DDX21: variants seen among roughly 807,000 people sequenced by gnomAD.
DDX21 encodes nucleolar RNA helicase 2.
Under a neutral mutation model 90.0 loss-of-function variants are expected in DDX21, and 18 were observed. The observed-to-expected ratio is 0.20, with a 90% CI of 0.14 to 0.30. The LOEUF (loss-of-function observed/expected upper bound fraction) is 0.30, where lower values mean the gene tolerates loss of function less well. Among genes scored for constraint, DDX21 ranks in the 10% least tolerant of loss-of-function variants. The pLI is 1.00. For synonymous variants in DDX21, 294 were observed against 318.0 expected (o/e 0.92, Z 0.80); for missense variants, 673 against 944.5 (o/e 0.71, Z 3.77).
chr10:68,962,894 A>G (rs1377052260), intron 3 of DDX21, among the ~76,000 whole-genome samples: 1 of 152,178 alleles, frequency 6.6e-6, no homozygotes, highest in African/African-American at 2.4e-5. Context: ...TATGGATGAG[A>G]CTTCAAATAT....
intron 1 of DDX21, among the ~76,000 whole-genome samples, chr10:68,958,575 T>G (rs1230438802): frequency 6.6e-6 from 1 of 152,158 alleles, no homozygotes. Context: ...TAGCTGGGAC[T>G]ACAGGTGCGT....
rs994398708 is a variant in DDX21, at chr10:68,983,744, A to G, written c.*932A>G. 2.0e-5 allele frequency: 3 copies of G among 151,978 alleles called. No homozygotes were observed. Among genetic ancestry groups the G allele is most frequent in the African/African-American group, 7.2e-5 (3 of 41,396 alleles). The allele number at this position is 151,978 out of a possible 1,614,324, so 9.4% of individuals were successfully genotyped here. On this transcript the variant is annotated 3_prime_UTR_variant, in exon 15 of 15. Transcript: ENST00000354185. ...AGAACCAAACCACTGGAAATAATCA[A>G]ATGCAAAAAGGTAACAAATTCATAA...
At chr10:68,963,142 T>G (rs1842894014) in intron 3 of DDX21, 149 bp from the exon 4 acceptor site, 1 of 750,862 alleles carries the variant, frequency 1.3e-6, no homozygotes, top group Non-Finnish European at 2.0e-6. Flanking sequence ...AAAATATACG[T>G]ATTTGAGCCT....
At chr10:68,975,730 C>T (rs567562465) in intron 11 of DDX21, among the ~76,000 whole-genome samples, 25 of 151,864 alleles carry the variant, frequency 1.6e-4, no homozygotes, top group Admixed American at 1.1e-3. Flanking sequence ...CTGGGCAACA[C>T]GGTGAAACTC....
intron 14 of DDX21, 129 bp from the exon 15 acceptor site, chr10:68,982,414 C>A: frequency 7.7e-7 from 1 of 1,304,490 alleles, no homozygotes; most frequent in Non-Finnish European, 1.0e-6. Context: ...TTATTTTTGA[C>A]CAGTGACTTG....
intron 13 of DDX21, among the ~76,000 whole-genome samples, 194 bp downstream of exon 13, chr10:68,979,170 C>T (rs576123249): frequency 2.2e-4 from 34 of 152,278 alleles, no homozygotes; most frequent in Non-Finnish European, 3.8e-4. Flanking sequence ...CAGCCTGAAC[C>T]GTTCTCACAA....
intron 1 of DDX21, chr10:68,956,675 C>T: frequency 1.8e-6 from 2 of 1,084,308 alleles, no homozygotes; most frequent in Middle Eastern, 4.5e-4. Flanking sequence ...GACCTTCAGT[C>T]AGGCTCCACG....
rs897342781 is a variant in DDX21, at chr10:68,983,716, A to G, written c.*904A>G. ...GAGTATGTAAAAAAAAAAAAAAAAA[A>G]AAAGAACCAAACCACTGGAAATAAT... On this transcript the variant is annotated 3_prime_UTR_variant, in exon 15 of 15. Coordinates refer to ENST00000354185, the MANE Select transcript of DDX21 (RefSeq NM_004728.4). The G allele has an allele frequency of 6.6e-6, 1 of 151,494 alleles. No homozygotes were observed. Among genetic ancestry groups the G allele is most frequent in the African/African-American group, 2.4e-5 (1 of 41,218 alleles). The allele number at this position is 151,494 out of a possible 1,614,324, so 9.4% of individuals were successfully genotyped here.
intron 11 of DDX21, among the ~76,000 whole-genome samples, chr10:68,975,501 C>A (rs2132092060): frequency 6.6e-6 from 1 of 152,290 alleles, no homozygotes; most frequent in Middle Eastern, 3.4e-3. Flanking sequence ...TGTTAAAGAA[C>A]CACTGAGTTT....
At chr10:68,977,371 T>A (rs1256425102) in intron 11 of DDX21, among the ~76,000 whole-genome samples, 158 bp from the exon 12 acceptor site, 3 of 152,212 alleles carry the variant, frequency 2.0e-5, no homozygotes, top group Non-Finnish European at 2.9e-5. Flanking sequence ...AGGAATGGAT[T>A]TATTACTATA....
intron 11 of DDX21, 128 bp downstream of exon 11, chr10:68,974,871 T>G: frequency 1.6e-6 from 1 of 643,126 alleles, no homozygotes; most frequent in Non-Finnish European, 2.6e-6. Flanking sequence ...TCTCACTATG[T>G]TGCCCAGGCT....
chr10:68,979,986 A>T (rs1178369518), intron 13 of DDX21, among the ~76,000 whole-genome samples: 2 of 152,150 alleles, frequency 1.3e-5, no homozygotes, highest in Non-Finnish European at 2.9e-5. Flanking sequence ...CATGCCTGTA[A>T]TCTCAGCACT....
intron 14 of DDX21, among the ~76,000 whole-genome samples, chr10:68,981,861 GTGTGTGTGTGTGCA>G (rs777014948): frequency 6.1e-4 from 92 of 151,970 alleles, no homozygotes; most frequent in Non-Finnish European, 1.1e-3. Context: ...TTGTGTGTGT[GTGTGTGTGTGTGCA>G]TGTGTGTGTG....
chr10:68,957,118 G>T (rs1331114625), intron 1 of DDX21, among the ~76,000 whole-genome samples: 1 of 152,084 alleles, frequency 6.6e-6, no homozygotes, highest in African/African-American at 2.4e-5. Flanking sequence ...CACGTGGGCC[G>T]CGTCTTTAGT....
intron 1 of DDX21, among the ~76,000 whole-genome samples, chr10:68,959,499 G>T (rs1052290680): frequency 6.6e-6 from 1 of 151,990 alleles, no homozygotes; most frequent in Non-Finnish European, 1.5e-5. Context: ...TCTCAAAAAA[G>T]AAAATCTGTT....
intron 11 of DDX21, among the ~76,000 whole-genome samples, chr10:68,975,716 T>C (rs547966894): frequency 1.3e-5 from 2 of 152,182 alleles, no homozygotes; most frequent in South Asian, 4.2e-4. Flanking sequence ...GGTAGGCGGA[T>C]TGCCTGGGCA....
intron 13 of DDX21, among the ~76,000 whole-genome samples, chr10:68,980,887 A>G (rs892945567): frequency 1.7e-4 from 25 of 151,282 alleles, no homozygotes; most frequent in Non-Finnish European, 3.7e-4. Flanking sequence ...TAGGAATTCA[A>G]AGTTACAGTG....
Position 68,977,541 on chromosome 10 carries a change from C to T in DDX21, c.1755C>T (p.Ser585=), listed in dbSNP as rs1252350646. 6.2e-6 allele frequency: 10 copies of T among 1,608,750 alleles called. No individual in the cohort carries two copies. The highest frequency in any genetic ancestry group is 1.1e-5 in the South Asian group (1 of 90,550). ...SSKDAIRLLD[S]VPPTAISHFK... ...TCTCAAACAACAGGCTTTTGGATTC[C>T]GTGCCTCCCACTGCCATTAGTCACT... Residue 585 remains serine (S), a synonymous_variant, in exon 12 of 15, where the codon TCC becomes TCT. Coordinates refer to ENST00000354185, the MANE Select transcript of DDX21 (RefSeq NM_004728.4).
chr10:68,959,611 T>C (rs1029712031), intron 1 of DDX21, among the ~76,000 whole-genome samples, 195 bp from the exon 2 acceptor site: 1 of 152,214 alleles, frequency 6.6e-6, no homozygotes, highest in African/African-American at 2.4e-5. Context: ...TATATATAGC[T>C]AAGAAGCGAT....
Sources: gnomAD v4.1 joint callset for allele counts (sites outside exome capture counted in the v4.1 genomes callset) on GRCh38, gnomAD v4.1.1 for gene constraint, MANE v1.5 for transcripts, NCBI Gene and HGNC (gene_info 2026-07-23, HGNC 2026-07-21) for gene names.